Variants in FMN1 observed in about 807,000 individuals in gnomAD.
FMN1 encodes formin 1, also known as formin-1.
FMN1 carries 110 observed loss-of-function variants against 132.4 expected under a neutral mutation model. The ratio of observed to expected loss-of-function variants is 0.83; its 90% CI spans 0.71 to 0.97. The LOEUF (loss-of-function observed/expected upper bound fraction) is 0.97, where lower values mean the gene tolerates loss of function less well. Ranked by LOEUF, FMN1 falls within the 50% of genes least tolerant of loss-of-function variation. The probability of loss-of-function intolerance (pLI) is 0.00; values close to 1 mark genes in which losing one functional copy is unlikely to be tolerated. For synonymous variants in FMN1, 722 were observed against 651.7 expected (o/e 1.11, Z -1.64); for missense variants, 1,792 against 1,705.3 (o/e 1.05, Z -0.90).
rs1443680434 is a variant in FMN1 at position 32,899,832 on chromosome 15, GCAAA to G, written c.3654+143_3654+146del. Reference sequence around the variant, plus strand: ...CTCTTTATTCGAAAGTGAAAAGAAAGCAAACAAAAAAATGCATGCTCTAATATAA... The same window carrying G: ...CTCTTTATTCGAAAGTGAAAAGAAAGCAAAAAAATGCATGCTCTAATATAA... On this transcript the variant is annotated intron_variant, in intron 14 of 20. Transcript: ENST00000616417. 19 of 789,952 alleles carry G rather than the reference GCAAA, an allele frequency of 2.4e-5. No individual in the cohort carries two copies. In the East Asian group the frequency reaches 5.0e-4, roughly 21 times the overall value. The allele number at this position is 789,952 out of a possible 1,614,324, so 48.9% of individuals were successfully genotyped here.
intron 4 of FMN1, among the ~76,000 whole-genome samples, chr15:33,104,791 G>A (rs968625114): frequency 2.2e-4 from 33 of 152,126 alleles, no homozygotes; most frequent in Non-Finnish European, 4.0e-4. Flanking sequence ...ATTTGTAAAG[G>A]TATTACTTTA....
chr15:32,925,829 G>C (rs2060945349), intron 10 of FMN1, among the ~76,000 whole-genome samples: 1 of 152,180 alleles, frequency 6.6e-6, no homozygotes, highest in Admixed American at 6.5e-5. Context: ...GGGAGGCCAA[G>C]GTGGGCAGAT....
chr15:32,888,558 A>G (rs2059949117), intron 15 of FMN1, among the ~76,000 whole-genome samples: 1 of 152,196 alleles, frequency 6.6e-6, no homozygotes, highest in Non-Finnish European at 1.5e-5. Context: ...CAAAGAGAAA[A>G]TTGTCAGGTC....
chr15:33,049,734 T>C (rs1004538224), intron 6 of FMN1, among the ~76,000 whole-genome samples: 1 of 152,220 alleles, frequency 6.6e-6, no homozygotes, highest in African/African-American at 2.4e-5. Flanking sequence ...CAATAAAATG[T>C]AGCCAACTGT....
chr15:33,190,679 T>C (rs1466170741), intron 2 of FMN1, among the ~76,000 whole-genome samples: 3 of 152,138 alleles, frequency 2.0e-5, no homozygotes. Flanking sequence ...CTGAGCTTCT[T>C]TAACAAAAAC....
chr15:32,934,303 A>C (rs557514642), intron 9 of FMN1, among the ~76,000 whole-genome samples: 1 of 152,276 alleles, frequency 6.6e-6, no homozygotes, highest in South Asian at 2.1e-4. Context: ...GTATCCATTA[A>C]CGTATTTTTA....
chr15:33,102,992 T>C (rs973674782), intron 4 of FMN1, among the ~76,000 whole-genome samples: 2 of 152,128 alleles, frequency 1.3e-5, no homozygotes, highest in Non-Finnish European at 2.9e-5. Flanking sequence ...TATTTGTCTT[T>C]AGGATGCAGG....
chr15:33,170,822 A>T (rs1200898959), intron 3 of FMN1, among the ~76,000 whole-genome samples: 1 of 152,168 alleles, frequency 6.6e-6, no homozygotes, highest in African/African-American at 2.4e-5. Context: ...ATGGATGAAG[A>T]TATCTCAAAA....
At chr15:33,018,565 G>A (rs1012845767) in intron 6 of FMN1, among the ~76,000 whole-genome samples, 6 of 152,190 alleles carry the variant, frequency 3.9e-5, no homozygotes, top group African/African-American at 7.2e-5. Flanking sequence ...GTGCGCCCAA[G>A]AAGAAATGTA....
intron 6 of FMN1, 76 bp downstream of exon 6, chr15:33,064,881 G>T: frequency 2.0e-6 from 2 of 977,350 alleles, no homozygotes; most frequent in South Asian, 1.6e-5. Context: ...CAAATTCTGA[G>T]AGTCAACTAA....
At chr15:32,855,578 T>C (rs1209817325) in intron 17 of FMN1, among the ~76,000 whole-genome samples, 1 of 152,228 alleles carries the variant, frequency 6.6e-6, no homozygotes, top group Non-Finnish European at 1.5e-5. Flanking sequence ...CAATATAAGC[T>C]GGCTGCTTTG....
At chr15:33,100,093 A>G (rs574288203) in intron 4 of FMN1, among the ~76,000 whole-genome samples, 1 of 152,158 alleles carries the variant, frequency 6.6e-6, no homozygotes, top group Non-Finnish European at 1.5e-5. Context: ...GGAAGCTGAG[A>G]GTGCTTCTTG....
At chr15:33,163,388 G>A (rs1964972195) in intron 3 of FMN1, among the ~76,000 whole-genome samples, 1 of 151,322 alleles carries the variant, frequency 6.6e-6, no homozygotes, top group South Asian at 2.1e-4. Context: ...TCTGCCTTCT[G>A]GATTCAAGCG....
At chr15:32,788,182 A>G (rs1474956849) in intron 19 of FMN1, among the ~76,000 whole-genome samples, 1 of 152,230 alleles carries the variant, frequency 6.6e-6, no homozygotes, top group Non-Finnish European at 1.5e-5. Flanking sequence ...CCTGGAATGC[A>G]TGATCAGTTA....
At chr15:32,884,169 A>G (rs1000323901) in intron 16 of FMN1, among the ~76,000 whole-genome samples, 2 of 152,218 alleles carry the variant, frequency 1.3e-5, no homozygotes, top group African/African-American at 4.8e-5. Context: ...TAGGAGGCTT[A>G]AAACACCAGA....
intron 6 of FMN1, among the ~76,000 whole-genome samples, chr15:33,036,781 AAC>A (rs2036212579): frequency 6.6e-6 from 1 of 152,234 alleles, no homozygotes; most frequent in South Asian, 2.1e-4. Flanking sequence ...GCAGATGAAA[AAC>A]ACAACGTTCA....
chr15:33,173,314 A>C (rs1449507926), intron 3 of FMN1, among the ~76,000 whole-genome samples: 2 of 152,208 alleles, frequency 1.3e-5, no homozygotes, highest in African/African-American at 4.8e-5. Flanking sequence ...CAATGAAGAA[A>C]AACAGTATCT....
chr15:32,799,165 C>T (rs2057392267), intron 18 of FMN1, among the ~76,000 whole-genome samples: 1 of 152,126 alleles, frequency 6.6e-6, no homozygotes, highest in Non-Finnish European at 1.5e-5. Flanking sequence ...GATTGGGATG[C>T]TCCTGGGCAC....
chr15:32,836,869 T>C (rs1362745119), intron 17 of FMN1: 1 of 165,344 alleles, frequency 6.0e-6, no homozygotes, highest in East Asian at 1.9e-4. Context: ...CACTACTGTT[T>C]GACGATCTGT....
Sources: gnomAD v4.1 joint callset for allele counts (sites outside exome capture counted in the v4.1 genomes callset) on GRCh38, gnomAD v4.1.1 for gene constraint, MANE v1.5 for transcripts, NCBI Gene and HGNC (gene_info 2026-07-23, HGNC 2026-07-21) for gene names.